Variants in VRK2 observed in about 807,000 individuals in gnomAD.
VRK2 encodes VRK serine/threonine kinase 2.
A neutral mutation model predicts 57.6 loss-of-function variants in VRK2; 60 were observed. The ratio of observed to expected loss-of-function variants is 1.04; its 90% CI spans 0.85 to 1.29. The LOEUF is 1.29. Ranked by LOEUF, VRK2 falls within the 50% of genes most tolerant of loss-of-function variation. The pLI, the probability that VRK2 is intolerant of heterozygous loss-of-function variation, is 0.00. For missense variants in VRK2, 705 were observed against 588.1 expected, an observed-to-expected ratio of 1.20 and a Z score of -2.06; for synonymous variants, 231 against 199.2, an observed-to-expected ratio of 1.16 and a Z score of -1.35.
At chr2:58,155,287 A>AAAG (rs1193247149) in intron 12 of VRK2, among the ~76,000 whole-genome samples, 1 of 152,206 alleles carries the variant, frequency 6.6e-6, no homozygotes, top group African/African-American at 2.4e-5. Context: ...GGCACGGTCA[A>AAAG]AAGGGCAAGT....
chr2:57,968,993 C>A (rs1356989949), intron 1 of VRK2, among the ~76,000 whole-genome samples: 1 of 152,112 alleles, frequency 6.6e-6, no homozygotes, highest in Non-Finnish European at 1.5e-5. Context: ...GTGCTTACCT[C>A]AGGCAAGCCT....
At chr2:57,980,727 T>C (rs1327593406) in intron 1 of VRK2, among the ~76,000 whole-genome samples, 3 of 152,252 alleles carry the variant, frequency 2.0e-5, no homozygotes, top group Non-Finnish European at 2.9e-5. Flanking sequence ...GTTGGGTGCA[T>C]ATACATTTAG....
At chr2:58,070,236 G>T (rs1053161823) in intron 2 of VRK2, among the ~76,000 whole-genome samples, 8 of 152,020 alleles carry the variant, frequency 5.3e-5, no homozygotes, top group African/African-American at 1.7e-4. Flanking sequence ...TTTTTCTTGA[G>T]ATGGAGTCTT....
upstream of VRK2, among the ~76,000 whole-genome samples, chr2:58,043,597 G>C (rs1413550170): frequency 1.3e-5 from 2 of 152,056 alleles, no homozygotes; most frequent in African/African-American, 2.4e-5. Context: ...CTGAGTGATA[G>C]TTCATTGTAT....
intron 2 of VRK2, among the ~76,000 whole-genome samples, chr2:58,078,535 A>G (rs910243881): frequency 2.6e-5 from 4 of 152,084 alleles, no homozygotes; most frequent in Non-Finnish European, 4.4e-5. Context: ...TTGCTAGATC[A>G]TATGGTAATT....
At chr2:57,933,657 T>G (rs373122632) in intron 1 of VRK2, among the ~76,000 whole-genome samples, 31 of 84,850 alleles carry the variant, frequency 3.7e-4, no homozygotes, top group Middle Eastern at 5.9e-3. Context: ...GTTGAGTTTT[T>G]GGGTTGTTTT....
chr2:58,133,765 T>C (rs902525865), intron 9 of VRK2, among the ~76,000 whole-genome samples: 8 of 152,320 alleles, frequency 5.3e-5, no homozygotes, highest in African/African-American at 1.9e-4. Flanking sequence ...TACTTACCAG[T>C]TGAGCATCCC....
chr2:58,131,901 C>T lies in VRK2; in HGVS notation c.770C>T (p.Pro257Leu), dbSNP rs1171709314. The change falls in exon 9 of 13, where the codon CCT (proline) becomes CTT (leucine). Residue 257 changes from proline (P) to leucine (L), a missense_variant. By Grantham distance (98) the Pro-to-Leu change is moderately conservative (BLOSUM62 -3). Coordinates refer to ENST00000340157, the MANE Select transcript of VRK2 (RefSeq NM_006296.7). ...KLPWEQNLKD[P>L]VAVQTAKTNL... ...CCCTGGGAACAGAACCTGAAGGACC[C>T]TGTGGCTGTGCAGACTGCTAAAACA... is the stretch of plus-strand genomic sequence containing the variant. The T allele has an allele frequency of 6.2e-7, 1 of 1,614,132 alleles. No homozygotes were observed. Among genetic ancestry groups the T allele is most frequent in the East Asian group, 2.2e-5 (1 of 44,880 alleles).
chr2:58,047,869 C>A (rs1675096411), intron 1 of VRK2, among the ~76,000 whole-genome samples: 1 of 152,162 alleles, frequency 6.6e-6, no homozygotes, highest in Admixed American at 6.5e-5. Context: ...CAGATACTTT[C>A]TTTTATGGAA....
intron 1 of VRK2, among the ~76,000 whole-genome samples, chr2:58,019,649 G>T (rs1216988182): frequency 3.3e-5 from 5 of 152,140 alleles, no homozygotes; most frequent in Non-Finnish European, 7.4e-5. Context: ...GCTTTTTAAT[G>T]TTTGCAGCAC....
chr2:57,909,048 T>C (rs1669909292), intron 1 of VRK2, among the ~76,000 whole-genome samples: 1 of 152,164 alleles, frequency 6.6e-6, no homozygotes, highest in Admixed American at 6.5e-5. Flanking sequence ...TGTGCTTGCT[T>C]TATTTCTGTG....
rs1674182924 is a variant in VRK2, at chr2:58,033,595, G to A, written c.-6+42G>A. On this transcript the variant is annotated intron_variant, in intron 3 of 15. Coordinates refer to the VRK2 transcript ENST00000417641. Reference sequence around the variant, plus strand: ...ATATCATATAAGTCACTAAGTTTGTGGTAATTTGTTAATCAACAATAGTAA... The same window carrying A: ...ATATCATATAAGTCACTAAGTTTGTAGTAATTTGTTAATCAACAATAGTAA... The A allele has an allele frequency of 2.0e-5, 3 of 151,790 alleles. No homozygotes were observed. The South Asian group carries it at 6.2e-4, about 32-fold the overall frequency. 9.4% of individuals were successfully genotyped at this position (151,790 alleles called of 1,614,324 possible).
chr2:57,943,594 GGACT>G (rs1262846888), intron 1 of VRK2, among the ~76,000 whole-genome samples: 1 of 152,104 alleles, frequency 6.6e-6, no homozygotes, highest in Non-Finnish European at 1.5e-5. Flanking sequence ...ACATAAGACT[GGACT>G]TAAAGTCAGC....
At position 58,123,116 on chromosome 2, in the gene VRK2, T is replaced by A; in HGVS notation, c.559T>A (p.Tyr187Asn). 1 of 1,600,246 alleles carries A rather than the reference T, an allele frequency of 6.2e-7. No homozygotes were observed. Among genetic ancestry groups the A allele is most frequent in the South Asian group, 1.1e-5 (1 of 87,910 alleles). Residue 187 changes from tyrosine to asparagine, a missense_variant, in exon 8 of 13, where the codon TAT becomes AAT. Physicochemically the swap from Tyr to Asn is moderately radical, Grantham distance 143. Coordinates refer to ENST00000340157, the MANE Select transcript of VRK2 (RefSeq NM_006296.7). ...KNPDQVYLAD[Y>N]GLSYRYCPNG... ...TGTCTTCCAGGTTTATCTTGCAGAT[T>A]ATGGACTTTCCTACAGATATTGTCC...
chr2:57,946,320 T>A (rs951024935), intron 1 of VRK2, among the ~76,000 whole-genome samples: 1 of 152,000 alleles, frequency 6.6e-6, no homozygotes, highest in African/African-American at 2.4e-5. Context: ...CTGTCTCCTC[T>A]GTTTTTTTTT....
At chr2:57,948,095 C>A (rs1366118898) in intron 1 of VRK2, among the ~76,000 whole-genome samples, 1 of 152,096 alleles carries the variant, frequency 6.6e-6, no homozygotes, top group Admixed American at 6.6e-5. Flanking sequence ...AAAACAATAT[C>A]ATTTATGCAA....
intron 2 of VRK2, among the ~76,000 whole-genome samples, chr2:58,026,173 C>G (rs1318072304): frequency 2.0e-5 from 3 of 152,040 alleles, no homozygotes; most frequent in African/African-American, 7.2e-5. Flanking sequence ...TGAAAATTGC[C>G]TAGCACATTG....
chr2:57,960,432 G>C (rs535267776), intron 1 of VRK2, among the ~76,000 whole-genome samples: 1 of 152,298 alleles, frequency 6.6e-6, no homozygotes, highest in African/African-American at 2.4e-5. Flanking sequence ...GAAAATATTT[G>C]AAGTTAGTGG....
intron 9 of VRK2, among the ~76,000 whole-genome samples, chr2:58,134,761 C>T (rs1679762839): frequency 6.6e-6 from 1 of 152,014 alleles, no homozygotes; most frequent in Non-Finnish European, 1.5e-5. Flanking sequence ...TAAAGATAGA[C>T]TTCCTTGGGT....
Sources: gnomAD v4.1 joint callset for allele counts (sites outside exome capture counted in the v4.1 genomes callset) on GRCh38, gnomAD v4.1.1 for gene constraint, MANE v1.5 for transcripts, NCBI Gene and HGNC (gene_info 2026-07-23, HGNC 2026-07-21) for gene names.